Variants in TYR observed in about 807,000 individuals in gnomAD.
The protein encoded by TYR is LB24-AB.
TYR carries 58 observed loss-of-function variants against 51.5 expected under a neutral mutation model. The observed-to-expected ratio is 1.13, with a 90% CI of 0.91 to 1.40. TYR has a LOEUF of 1.40. TYR is among the 40% of genes most tolerant of loss of function. The pLI, the probability that TYR is intolerant of heterozygous loss-of-function variation, is 0.00. For synonymous variants in TYR, 263 were observed against 235.2 expected, an observed-to-expected ratio of 1.12 and a Z score of -1.08; for missense variants, 732 against 647.4, an observed-to-expected ratio of 1.13 and a Z score of -1.42.
chr11:89,270,055 A>G (rs1944570561), intron 3 of TYR, among the ~76,000 whole-genome samples: 1 of 151,904 alleles, frequency 6.6e-6, no homozygotes, highest in African/African-American at 2.4e-5. Flanking sequence ...AAATCCTCCA[A>G]TGGCTCCTCA....
At chr11:89,187,761 T>C (rs943652328) in intron 1 of TYR, among the ~76,000 whole-genome samples, 1 of 152,072 alleles carries the variant, frequency 6.6e-6, no homozygotes, top group Non-Finnish European at 1.5e-5. Flanking sequence ...TTTACTGTTA[T>C]TGAATTTCAA....
chr11:89,224,697 A>G (rs1382393972), intron 2 of TYR, among the ~76,000 whole-genome samples: 1 of 152,170 alleles, frequency 6.6e-6, no homozygotes, highest in African/African-American at 2.4e-5. Flanking sequence ...ACCTATCCTG[A>G]ATTCATTCTC....
chr11:89,216,608 G>C (rs568956285), intron 2 of TYR, among the ~76,000 whole-genome samples: 1 of 127,930 alleles, frequency 7.8e-6, no homozygotes, highest in African/African-American at 3.2e-5. Context: ...AGCCGAGATC[G>C]CACCACTGCA....
chr11:89,178,381 A>C lies in TYR; in HGVS notation c.428A>C (p.His143Pro). The change falls in exon 1 of 5, where the codon CAT becomes CCT. Residue 143 changes from histidine to proline, a missense_variant. Transcript: ENST00000263321. The part of the protein sequence containing the change: ...KFFAYLTLAK[H>P]TISSDYVIPI... ...TTTGCCTACCTCACTTTAGCAAAGC[A>C]TACCATCAGCTCAGACTATGTCATC... is the stretch of plus-strand genomic sequence containing the variant. 6.2e-7 allele frequency: 1 copy of C among 1,614,182 alleles called. No homozygotes were observed. The highest frequency in any genetic ancestry group is 8.5e-7 in the Non-Finnish European group (1 of 1,180,036).
intron 3 of TYR, among the ~76,000 whole-genome samples, chr11:89,242,610 C>T (rs1379696607): frequency 6.6e-6 from 1 of 152,282 alleles, no homozygotes; most frequent in African/African-American, 2.4e-5. Context: ...TCTATTCTGA[C>T]AACTAGCATT....
intron 4 of TYR, among the ~76,000 whole-genome samples, chr11:89,286,395 A>AT (rs1267339568): frequency 6.6e-6 from 1 of 151,848 alleles, no homozygotes; most frequent in African/African-American, 2.4e-5. Flanking sequence ...CATACTAAGT[A>AT]TTTTTTATTA....
intron 3 of TYR, among the ~76,000 whole-genome samples, chr11:89,245,157 ACAGT>A (rs575009359): frequency 7.9e-5 from 12 of 152,200 alleles, no homozygotes; most frequent in Non-Finnish European, 1.5e-4. Context: ...GTGTGTAAAA[ACAGT>A]CAATATATAG....
At chr11:89,248,368 C>G (rs1944291833) in intron 3 of TYR, among the ~76,000 whole-genome samples, 1 of 151,962 alleles carries the variant, frequency 6.6e-6, no homozygotes, top group Non-Finnish European at 1.5e-5. Context: ...GGAGAAGGTT[C>G]CAGTTGAGAT....
At chr11:89,211,856 A>G (rs1023517697) in intron 2 of TYR, among the ~76,000 whole-genome samples, 2 of 152,234 alleles carry the variant, frequency 1.3e-5, no homozygotes, top group African/African-American at 4.8e-5. Flanking sequence ...TGCTGGGTAA[A>G]TAACAAAATG....
chr11:89,208,211 A>C (rs1026215437), intron 2 of TYR, among the ~76,000 whole-genome samples: 1 of 152,254 alleles, frequency 6.6e-6, no homozygotes. Context: ...CGGAGCCTGC[A>C]GTGAGTGGAG....
chr11:89,275,069 G>C (rs899525212), intron 3 of TYR, among the ~76,000 whole-genome samples: 9 of 151,750 alleles, frequency 5.9e-5, no homozygotes, highest in African/African-American at 2.2e-4. Context: ...AGCCAGTGAT[G>C]GTCTTTGGCT....
intron 2 of TYR, among the ~76,000 whole-genome samples, chr11:89,195,081 T>C (rs953343148): frequency 3.9e-4 from 60 of 152,292 alleles, no homozygotes; most frequent in African/African-American, 1.4e-3. Context: ...CAAGTGAATA[T>C]AGCAGTGAGG....
At chr11:89,203,747 A>C (rs1009544674) in intron 2 of TYR, among the ~76,000 whole-genome samples, 4 of 152,218 alleles carry the variant, frequency 2.6e-5, no homozygotes, top group Non-Finnish European at 4.4e-5. Flanking sequence ...CCAGAGGTAC[A>C]AACAAAAGTA....
chr11:89,279,345 G>T (rs1171774936), intron 3 of TYR, among the ~76,000 whole-genome samples: 1 of 151,618 alleles, frequency 6.6e-6, no homozygotes, highest in Non-Finnish European at 1.5e-5. Context: ...TTTGATAGTA[G>T]GTCATAAAAC....
chr11:89,273,116 C>T (rs1310744229), intron 3 of TYR, among the ~76,000 whole-genome samples: 1 of 151,906 alleles, frequency 6.6e-6, no homozygotes, highest in Non-Finnish European at 1.5e-5. Context: ...TGCATTTACA[C>T]CTTGACTGTA....
rs371687306 is a variant in TYR at position 89,284,936 on chromosome 11, A to T, written c.1348A>T (p.Ser450Cys). 3 of 1,611,388 alleles carry T rather than the reference A, an allele frequency of 1.9e-6. No homozygotes were observed. The African/African-American group carries it at 4.0e-5, about 22-fold the overall frequency. ...ATCCAAAGATCTGGGCTATGACTAT[A>T]GCTATCTACAAGATTCAGGTAAAGT... ...ISSKDLGYDY[S>C]YLQDSDPDSF... is the part of the protein sequence containing the mutation. Residue 450 changes from serine to cysteine, a missense_variant, in exon 4 of 5, where the codon AGC becomes TGC. Transcript: ENST00000263321.
At chr11:89,204,239 G>A (rs1837635247) in intron 2 of TYR, among the ~76,000 whole-genome samples, 1 of 152,200 alleles carries the variant, frequency 6.6e-6, no homozygotes, top group African/African-American at 2.4e-5. Flanking sequence ...GAGCAGTAAT[G>A]AGGGGTATTC....
chr11:89,190,316 T>G (rs927516271), intron 1 of TYR, among the ~76,000 whole-genome samples: 5 of 152,116 alleles, frequency 3.3e-5, no homozygotes, highest in African/African-American at 1.2e-4. Context: ...CTGAAGATTT[T>G]CCAGTGGGAC....
chr11:89,240,958 G>A (rs189601575), intron 3 of TYR, among the ~76,000 whole-genome samples: 14 of 152,290 alleles, frequency 9.2e-5, no homozygotes, highest in African/African-American at 1.4e-4. Context: ...ACTTTCTGGC[G>A]TGGATATGGG....
Sources: allele counts gnomAD v4.1 joint callset (sites outside exome capture counted in the v4.1 genomes callset), GRCh38; gene constraint gnomAD v4.1.1; transcripts MANE v1.5; gene names NCBI Gene and HGNC (gene_info 2026-07-23, HGNC 2026-07-21).